The following AP4B1 variants were observed in gnomAD, a reference collection of about 807,000 sequenced individuals.
AP4B1 encodes the protein adaptor related protein complex 4 subunit beta 1, also known as AP-4 complex subunit beta-1.
AP4B1 carries 49 observed loss-of-function variants against 76.5 expected under a neutral mutation model. That is an observed-to-expected ratio of 0.64 (90% CI 0.51 to 0.81). The LOEUF is 0.81. AP4B1 is among the 40% of genes least tolerant of loss of function. The probability of loss-of-function intolerance (pLI) is 0.00; values close to 1 mark genes in which losing one functional copy is unlikely to be tolerated. For missense variants in AP4B1, 911 were observed against 904.9 expected (o/e 1.01, Z -0.09); for synonymous variants, 330 against 333.3 (o/e 0.99, Z 0.11).
chr1:113,904,477 G>C (rs1232090691), intron 1 of AP4B1, 128 bp downstream of exon 1: 3 of 873,738 alleles, frequency 3.4e-6, no homozygotes, highest in Non-Finnish European at 5.9e-6. Context: ...AAAGCAGCAG[G>C]ACGAAGACCG....
intron 5 of AP4B1, 178 bp downstream of exon 5, chr1:113,899,719 AAAAAAAC>A: frequency 1.0e-6 from 1 of 960,070 alleles, no homozygotes; most frequent in South Asian, 1.5e-5. Flanking sequence ...TCTTGACCAA[AAAAAAAC>A]AAAAAACAAA....
intron 9 of AP4B1, 94 bp downstream of exon 9, chr1:113,895,663 T>C: frequency 6.4e-7 from 1 of 1,564,134 alleles, no homozygotes; most frequent in Non-Finnish European, 8.8e-7. Flanking sequence ...CAGGCAACAG[T>C]CTGAGGTTTA....
intron 5 of AP4B1, among the ~76,000 whole-genome samples, chr1:113,899,611 T>C (rs887937218): frequency 2.0e-5 from 3 of 152,210 alleles, no homozygotes; most frequent in African/African-American, 7.2e-5. Flanking sequence ...GGTAAGATGA[T>C]GTATAGGAAA....
chr1:113,902,794 T>C lies in AP4B1; in HGVS notation c.182A>G (p.Asp61Gly), dbSNP rs1668450720. The change falls in exon 2 of 10, where the codon GAT becomes GGT. Residue 61 changes from aspartate to glycine, a missense_variant. Asp to Gly is a moderately conservative substitution (Grantham distance 94, BLOSUM62 -1). Transcript: ENST00000369569. ...ATAAACCAACTTCTTCTGGACAATA[T>C]CTACAGTGGCACTGGCCTTCACCAT... ...MEMVKASATV[D>G]IVQKKLVYLY... 4 of 1,614,086 alleles carry C rather than the reference T, an allele frequency of 2.5e-6. No individual in the cohort carries two copies. The highest frequency in any genetic ancestry group is 2.2e-5 in the East Asian group (1 of 44,892).
intron 4 of AP4B1, 101 bp from the exon 5 acceptor site, chr1:113,900,501 G>A: frequency 1.4e-6 from 2 of 1,387,046 alleles, no homozygotes; most frequent in Admixed American, 2.3e-5. Flanking sequence ...ATAGCAAAGG[G>A]AGAATTCTTA....
At chr1:113,903,303 T>C (rs866553886) in intron 1 of AP4B1, among the ~76,000 whole-genome samples, 2 of 152,228 alleles carry the variant, frequency 1.3e-5, no homozygotes, top group Non-Finnish European at 2.9e-5. Flanking sequence ...TGACTGCAGG[T>C]GATCCACCCG....
intron 3 of AP4B1, 144 bp downstream of exon 3, chr1:113,901,611 G>A (rs914224427): frequency 5.4e-6 from 7 of 1,308,148 alleles, no homozygotes; most frequent in Middle Eastern, 2.6e-4. Flanking sequence ...CTCATCTCCA[G>A]AAGATACCAA....
Position 113,904,479 on chromosome 1 carries a change from C to G in AP4B1, c.113+126G>C, listed in dbSNP as rs1280353336. On this transcript the variant is annotated intron_variant, in intron 1 of 9. Coordinates refer to ENST00000369569, the MANE Select transcript of AP4B1 (RefSeq NM_001253852.3). Reference sequence around the variant, plus strand: ...GACATGGTACTCCAAAGCAGCAGGACGAAGACCGAACCATATAACTGCCAC... The same window carrying G: ...GACATGGTACTCCAAAGCAGCAGGAGGAAGACCGAACCATATAACTGCCAC... 1.5e-5 allele frequency: 13 copies of G among 890,494 alleles called. No individual in the cohort carries two copies. In the Admixed American group the frequency reaches 2.2e-4, roughly 15 times the overall value. 55.2% of individuals were successfully genotyped at this position (890,494 alleles called of 1,614,324 possible).
At chr1:113,898,890 A>C in intron 5 of AP4B1, 89 bp from the exon 6 acceptor site, 1 of 1,110,378 alleles carries the variant, frequency 9.0e-7, no homozygotes, top group South Asian at 1.3e-5. Flanking sequence ...AAGACAAAAG[A>C]AACAGAATTA....
At chr1:113,900,871 G>T (rs563485730) in intron 4 of AP4B1, 11 of 301,086 alleles carry the variant, frequency 3.7e-5, no homozygotes, top group Non-Finnish European at 7.0e-5. Flanking sequence ...ACTTTGGGAG[G>T]CTGAGGCGGG....
rs762750317 is a variant in AP4B1, at chr1:113,899,971, T to C, written c.1047A>G (p.Leu349=). ...LVNDENVQQV[L]EELRGYCTDV... is the part of the protein sequence containing the mutation. ...CCGTGCAGTACCCTCGAAGCTCCTC[T>C]AGCACCTGCTGCACATTCTCATCGT... The change falls in exon 5 of 10, where the codon CTA becomes CTG. Residue 349 remains leucine (L), a synonymous_variant. Coordinates refer to ENST00000369569, the MANE Select transcript of AP4B1 (RefSeq NM_001253852.3). 2 of 1,614,076 alleles carry C rather than the reference T, an allele frequency of 1.2e-6. No homozygotes were observed. The highest frequency in any genetic ancestry group is 2.7e-5 in the African/African-American group (2 of 74,922).
intron 7 of AP4B1, chr1:113,897,232 A>T (rs1182126125): frequency 6.3e-6 from 1 of 157,912 alleles, no homozygotes; most frequent in Non-Finnish European, 1.4e-5. Flanking sequence ...CTTTGTAAAA[A>T]TTTCACAAAT....
chr1:113,899,851 T>G lies in AP4B1; in HGVS notation c.1114+53A>C, dbSNP rs770843287. 8.7e-6 allele frequency: 14 copies of G among 1,613,818 alleles called. No homozygotes were observed. Among genetic ancestry groups the G allele is most frequent in the Non-Finnish European group, 1.2e-5 (14 of 1,180,016 alleles). ...CTCTCTATGGTTCCTCTAACCACAGTTTTCTTGCTGGCTGGTCTAGGTTCT... is the reference window on the plus strand; with the variant it reads ...CTCTCTATGGTTCCTCTAACCACAGGTTTCTTGCTGGCTGGTCTAGGTTCT... On this transcript the variant is annotated intron_variant, in intron 5 of 9. Coordinates refer to ENST00000369569, the MANE Select transcript of AP4B1 (RefSeq NM_001253852.3).
intron 1 of AP4B1, among the ~76,000 whole-genome samples, chr1:113,903,506 A>G (rs1047205228): frequency 4.6e-5 from 7 of 152,244 alleles, no homozygotes; most frequent in Non-Finnish European, 5.9e-5. Context: ...GCCAGATGAG[A>G]ATACCGTTAA....
chr1:113,895,519 A>G, intron 9 of AP4B1, 27 bp from the exon 10 acceptor site: 1 of 1,613,520 alleles, frequency 6.2e-7, no homozygotes, highest in South Asian at 1.1e-5. Flanking sequence ...ACTTGTGTGA[A>G]AGATGTTCTT....
intron 7 of AP4B1, chr1:113,896,910 G>A (rs189551248): frequency 1.9e-4 from 38 of 199,432 alleles, no homozygotes; most frequent in African/African-American, 7.6e-4. Context: ...TTGGGAGGCC[G>A]AGGAGGGTGG....
chr1:113,902,739 T>C lies in AP4B1; in HGVS notation c.237A>G (p.Lys79=), dbSNP rs1668440224. The stretch of plus-strand genomic sequence containing the variant: ...TGATGGCCAGGAGAGCCAGATCTGG[T>C]TTCAGGGGAGCATATGTGCACATGT... ...YLYMCTYAPL[K]PDLALLAINT... Residue 79 remains lysine, a synonymous_variant, in exon 2 of 10, where the codon AAA becomes AAG. Coordinates refer to ENST00000369569, the MANE Select transcript of AP4B1 (RefSeq NM_001253852.3). The C allele has an allele frequency of 1.2e-6, 2 of 1,614,132 alleles. No individual in the cohort carries two copies. The highest frequency in any genetic ancestry group is 8.5e-7 in the Non-Finnish European group (1 of 1,180,024).
At chr1:113,897,994 G>A (rs750182740) in intron 6 of AP4B1, 51 bp from the exon 7 acceptor site, 3 of 1,612,800 alleles carry the variant, frequency 1.9e-6, no homozygotes, top group Non-Finnish European at 2.5e-6. Flanking sequence ...CTCCAGGTAG[G>A]CAGGAATCTT....
chr1:113,904,307 A>G (rs1263150053), intron 1 of AP4B1, among the ~76,000 whole-genome samples: 1 of 152,214 alleles, frequency 6.6e-6, no homozygotes, highest in Non-Finnish European at 1.5e-5. Context: ...GGAAATGCCA[A>G]GCAGGCAGTG....
Sources: gnomAD v4.1 joint callset for allele counts (sites outside exome capture counted in the v4.1 genomes callset) on GRCh38, gnomAD v4.1.1 for gene constraint, MANE v1.5 for transcripts, NCBI Gene and HGNC (gene_info 2026-07-23, HGNC 2026-07-21) for gene names.